Variants in GNAQ observed in about 807,000 individuals in gnomAD.
GNAQ encodes the protein G protein subunit alpha q, also known as guanine nucleotide-binding protein G(q) subunit alpha.
A neutral mutation model predicts 43.9 loss-of-function variants in GNAQ; 8 were observed. The ratio of observed to expected loss-of-function variants is 0.18; its 90% CI spans 0.11 to 0.33. GNAQ has a LOEUF of 0.33. GNAQ is among the 10% of genes least tolerant of loss of function. The pLI is 1.00. For synonymous variants in GNAQ, 155 were observed against 170.7 expected (o/e 0.91, Z 0.71); for missense variants, 158 against 450.8 (o/e 0.35, Z 5.88).
chr9:77,829,577 T>G (rs927626718), intron 2 of GNAQ, among the ~76,000 whole-genome samples: 1 of 152,164 alleles, frequency 6.6e-6, no homozygotes, highest in Non-Finnish European at 1.5e-5. Flanking sequence ...GGCTTGAAGC[T>G]CCTCTCGACA....
chr9:77,942,971 G>T (rs1481604648), intron 1 of GNAQ, among the ~76,000 whole-genome samples: 1 of 152,182 alleles, frequency 6.6e-6, no homozygotes, highest in Admixed American at 6.5e-5. Context: ...CTGTAAATGA[G>T]TGAATTTACC....
intron 2 of GNAQ, among the ~76,000 whole-genome samples, chr9:77,835,938 G>A (rs1283723965): frequency 6.6e-6 from 1 of 152,060 alleles, no homozygotes; most frequent in Non-Finnish European, 1.5e-5. Flanking sequence ...TTGGTACAGT[G>A]GGAATGTTTC....
At chr9:77,823,101 G>A (rs1388215952) in intron 2 of GNAQ, among the ~76,000 whole-genome samples, 4 of 151,826 alleles carry the variant, frequency 2.6e-5, no homozygotes, top group Admixed American at 6.6e-5. Flanking sequence ...CACAACGCCC[G>A]GCTAATTTTT....
At chr9:77,857,903 T>A (rs1827785444) in intron 2 of GNAQ, among the ~76,000 whole-genome samples, 1 of 151,010 alleles carries the variant, frequency 6.6e-6, no homozygotes, top group South Asian at 2.1e-4. Context: ...TGAATTGAGG[T>A]CACATGTTTC....
At chr9:78,017,188 C>A (rs1457620332) in intron 1 of GNAQ, among the ~76,000 whole-genome samples, 1 of 152,120 alleles carries the variant, frequency 6.6e-6, no homozygotes, top group African/African-American at 2.4e-5. Context: ...GGGAGTAAGA[C>A]CTAATCTGTA....
At chr9:77,914,828 C>CAA (rs71503232) in intron 2 of GNAQ, among the ~76,000 whole-genome samples, 15,525 of 97,924 alleles carry the variant, frequency 0.16, 1,148 homozygotes, top group East Asian at 0.37. Context: ...TTTTGAACAC[C>CAA]AAAAAAAAAA....
At chr9:77,929,485 C>G (rs776141350) in intron 1 of GNAQ, among the ~76,000 whole-genome samples, 1 of 152,086 alleles carries the variant, frequency 6.6e-6, no homozygotes, top group Non-Finnish European at 1.5e-5. Flanking sequence ...ATATTTCTTT[C>G]CAGTCTTTTT....
At chr9:77,779,617 C>G (rs950451141) in intron 5 of GNAQ, among the ~76,000 whole-genome samples, 2 of 143,296 alleles carry the variant, frequency 1.4e-5, no homozygotes, top group Non-Finnish European at 3.0e-5. Flanking sequence ...GAAACCAAAG[C>G]TGATTCTTCG....
intron 1 of GNAQ, among the ~76,000 whole-genome samples, chr9:77,923,014 AT>A (rs11353032): frequency 0.22 from 31,959 of 145,752 alleles, 3,496 homozygotes; most frequent in South Asian, 0.37. Context: ...TGCCCAGCTA[AT>A]TTTTTTTTTT....
intron 5 of GNAQ, among the ~76,000 whole-genome samples, chr9:77,762,265 C>G (rs1320164830): frequency 1.4e-5 from 2 of 141,118 alleles, no homozygotes; most frequent in Non-Finnish European, 3.1e-5. Context: ...GTCAGCCCCC[C>G]GCCTGGCCAG....
chr9:78,024,717 T>C (rs1432749291), intron 1 of GNAQ, among the ~76,000 whole-genome samples: 1 of 152,184 alleles, frequency 6.6e-6, no homozygotes, highest in Non-Finnish European at 1.5e-5. Flanking sequence ...GTCTTTCCTG[T>C]CGGCAAATAA....
intron 1 of GNAQ, among the ~76,000 whole-genome samples, chr9:77,992,529 T>TA (rs200747023): frequency 9.6e-4 from 144 of 150,196 alleles, no homozygotes; most frequent in Non-Finnish European, 1.5e-3. Context: ...CCCAAAAGTA[T>TA]AAAAAAAAAA....
At chr9:77,920,506 AAAC>A (rs1168301676) in intron 2 of GNAQ, among the ~76,000 whole-genome samples, 1 of 152,218 alleles carries the variant, frequency 6.6e-6, no homozygotes, top group Non-Finnish European at 1.5e-5. Context: ...TTAAAAAAAT[AAAC>A]AACAAACAAA....
intron 5 of GNAQ, among the ~76,000 whole-genome samples, chr9:77,730,358 G>C (rs576961872): frequency 1.3e-5 from 2 of 152,286 alleles, no homozygotes; most frequent in East Asian, 3.9e-4. Context: ...TCACAGTGAA[G>C]AGTTACAAAG....
At chr9:77,932,858 T>C (rs1250000455) in intron 1 of GNAQ, among the ~76,000 whole-genome samples, 1 of 151,828 alleles carries the variant, frequency 6.6e-6, no homozygotes, top group Non-Finnish European at 1.5e-5. Flanking sequence ...AGTAGGGTAT[T>C]CCAACAATCA....
At chr9:77,817,878 G>C (rs1415424227) in intron 2 of GNAQ, among the ~76,000 whole-genome samples, 5 of 152,092 alleles carry the variant, frequency 3.3e-5, no homozygotes, top group Non-Finnish European at 7.4e-5. Flanking sequence ...TTAGCTGGCG[G>C]GTGAAGATGA....
At chr9:77,994,985 C>T (rs1823551221) in intron 1 of GNAQ, among the ~76,000 whole-genome samples, 1 of 152,148 alleles carries the variant, frequency 6.6e-6, no homozygotes, top group Non-Finnish European at 1.5e-5. Context: ...CCATTTTAGA[C>T]TTTACAAAGT....
At chr9:77,809,122 A>C (rs1478773481) in intron 3 of GNAQ, among the ~76,000 whole-genome samples, 1 of 152,174 alleles carries the variant, frequency 6.6e-6, no homozygotes, top group Non-Finnish European at 1.5e-5. Context: ...AGACTCAAAA[A>C]ATGTAAGCAT....
intron 5 of GNAQ, among the ~76,000 whole-genome samples, chr9:77,784,635 A>G (rs1441595944): frequency 6.6e-6 from 1 of 152,224 alleles, no homozygotes; most frequent in Non-Finnish European, 1.5e-5. Flanking sequence ...GACATGATAA[A>G]AGACAAATTT....
Sources: allele counts gnomAD v4.1 joint callset (sites outside exome capture counted in the v4.1 genomes callset), GRCh38; gene constraint gnomAD v4.1.1; transcripts MANE v1.5; gene names NCBI Gene and HGNC (gene_info 2026-07-23, HGNC 2026-07-21).